Variants in SRGAP3 observed in about 807,000 individuals in gnomAD.
SRGAP3 encodes SLIT-ROBO Rho GTPase activating protein 3.
Under a neutral mutation model 121.1 loss-of-function variants are expected in SRGAP3, and 39 were observed. The ratio of observed to expected loss-of-function variants is 0.32; its 90% CI spans 0.25 to 0.42. SRGAP3 has a LOEUF of 0.42. Ranked by LOEUF, SRGAP3 falls within the 10% of genes least tolerant of loss-of-function variation. The probability of loss-of-function intolerance (pLI) is 1.00; values close to 1 mark genes in which losing one functional copy is unlikely to be tolerated. For synonymous variants in SRGAP3, 601 were observed against 570.0 expected (o/e 1.05, Z -0.77); for missense variants, 1,213 against 1,470.6 (o/e 0.82, Z 2.86).
intron 1 of SRGAP3, among the ~76,000 whole-genome samples, chr3:9,145,274 G>T (rs1986167): frequency 0.096 from 14,663 of 152,010 alleles, 2,421 homozygotes; most frequent in African/African-American, 0.33. Flanking sequence ...TTTTGTAGTT[G>T]TGGTAGAGAC....
chr3:8,988,586 G>A (rs753368338), intron 21 of SRGAP3, among the ~76,000 whole-genome samples: 3 of 151,654 alleles, frequency 2.0e-5, no homozygotes, highest in African/African-American at 7.3e-5. Context: ...CGTGCAAAAC[G>A]CTCCATGAAT....
At chr3:9,316,860 C>T (rs867078785) in intron 3 of SRGAP3, among the ~76,000 whole-genome samples, 12 of 152,046 alleles carry the variant, frequency 7.9e-5, no homozygotes, top group African/African-American at 2.9e-4. Flanking sequence ...CATCTGAAGG[C>T]GGGAGAGGAG....
chr3:9,067,706 C>G (rs2125222059), intron 4 of SRGAP3, among the ~76,000 whole-genome samples: 1 of 152,296 alleles, frequency 6.6e-6, no homozygotes, highest in Middle Eastern at 3.4e-3. Flanking sequence ...GGCTTAATGC[C>G]TAGGTGATGG....
chr3:9,128,903 G>T (rs544782431), intron 1 of SRGAP3, among the ~76,000 whole-genome samples: 5 of 152,308 alleles, frequency 3.3e-5, no homozygotes, highest in Middle Eastern at 3.4e-3. Flanking sequence ...CGTTTGACGG[G>T]TATTGATGGA....
At chr3:9,241,581 C>G (rs1321792019) in intron 1 of SRGAP3, among the ~76,000 whole-genome samples, 1 of 152,138 alleles carries the variant, frequency 6.6e-6, no homozygotes, top group Non-Finnish European at 1.5e-5. Context: ...ATTTCCTCTC[C>G]CAGTGAAACC....
chr3:9,191,956 G>A (rs139798712), intron 1 of SRGAP3, among the ~76,000 whole-genome samples: 233 of 152,236 alleles, frequency 1.5e-3, no homozygotes, highest in African/African-American at 5.3e-3. Flanking sequence ...CACCATGATC[G>A]TAAGTTTCCT....
intron 3 of SRGAP3, among the ~76,000 whole-genome samples, chr3:9,314,346 G>C (rs1475199080): frequency 1.3e-5 from 2 of 151,260 alleles, no homozygotes; most frequent in Non-Finnish European, 3.0e-5. Flanking sequence ...ACTTGAGCCT[G>C]GGAGTTCGAG....
At chr3:9,019,030 G>T (rs1379455070) in intron 14 of SRGAP3, among the ~76,000 whole-genome samples, 1 of 152,150 alleles carries the variant, frequency 6.6e-6, no homozygotes, top group Non-Finnish European at 1.5e-5. Context: ...AGTTCACAGA[G>T]ATCTTCCTCT....
intron 5 of SRGAP3, among the ~76,000 whole-genome samples, chr3:9,061,181 G>C (rs1946153199): frequency 6.6e-6 from 1 of 152,204 alleles, no homozygotes. Flanking sequence ...GCAGTAAGCA[G>C]AGATTGCACC....
chr3:9,325,059 T>C (rs1370099765), intron 3 of SRGAP3, among the ~76,000 whole-genome samples: 2 of 151,820 alleles, frequency 1.3e-5, no homozygotes, highest in Non-Finnish European at 2.9e-5. Flanking sequence ...TCATTTTGGG[T>C]TTCCAGTCCC....
chr3:9,362,958 TTCCAGC>T (rs2030988977), exon 1 of SRGAP3: 1 of 152,258 alleles, frequency 6.6e-6, no homozygotes, highest in Non-Finnish European at 1.5e-5. Flanking sequence ...AGCACACAGC[TTCCAGC>T]GCATGCTCCT....
intron 1 of SRGAP3, among the ~76,000 whole-genome samples, chr3:9,360,751 A>G (rs1321604102): frequency 2.0e-5 from 3 of 152,192 alleles, no homozygotes; most frequent in Non-Finnish European, 2.9e-5. Context: ...AACAGTATGC[A>G]GGGAATCACC....
intron 1 of SRGAP3, among the ~76,000 whole-genome samples, chr3:9,150,350 G>C (rs977285838): frequency 6.6e-6 from 1 of 152,026 alleles, no homozygotes; most frequent in African/African-American, 2.4e-5. Context: ...GAAGGTGGGA[G>C]AGGAAAAGGG....
intron 18 of SRGAP3, among the ~76,000 whole-genome samples, chr3:8,995,434 C>T (rs778531260): frequency 5.3e-5 from 8 of 152,134 alleles, no homozygotes; most frequent in Non-Finnish European, 7.3e-5. Context: ...CATGATCATG[C>T]CACTGTACTC....
chr3:9,310,056 C>A (rs1231192533), intron 3 of SRGAP3, among the ~76,000 whole-genome samples: 4 of 152,170 alleles, frequency 2.6e-5, no homozygotes, highest in African/African-American at 4.8e-5. Flanking sequence ...CTCACCATAG[C>A]ATGTTTGATC....
intron 3 of SRGAP3, among the ~76,000 whole-genome samples, chr3:9,275,127 T>C (rs1954547777): frequency 6.6e-6 from 1 of 152,164 alleles, no homozygotes; most frequent in Non-Finnish European, 1.5e-5. Flanking sequence ...AATGTCTATT[T>C]TACTGAAAAA....
rs572716116 is a variant in SRGAP3 at position 9,128,282 on chromosome 3, G to T, written c.68-3365C>A. On this transcript the variant is annotated intron_variant, in intron 1 of 21. Coordinates refer to ENST00000383836, the MANE Select transcript of SRGAP3 (RefSeq NM_014850.4). ...AAATAATGTTATTTTGATAAATTGT[G>T]TATTACTGATCACTGCAATGATACA... Among the ~76,000 whole-genome samples, 84 of 152,284 alleles carry T rather than the reference G, an allele frequency of 5.5e-4. 1 individual carries two copies. Among genetic ancestry groups the T allele is most frequent in the Admixed American group, 1.3e-3 (20 of 15,298 alleles).
chr3:9,128,846 G>C (rs1949336536), intron 1 of SRGAP3, among the ~76,000 whole-genome samples: 1 of 152,158 alleles, frequency 6.6e-6, no homozygotes, highest in Non-Finnish European at 1.5e-5. Flanking sequence ...GAACGAATGA[G>C]GTTGTGCAAA....
intron 12 of SRGAP3, among the ~76,000 whole-genome samples, chr3:9,027,217 T>C (rs1447545200): frequency 6.6e-6 from 1 of 152,208 alleles, no homozygotes; most frequent in Non-Finnish European, 1.5e-5. Flanking sequence ...TTTAAAGAAA[T>C]GCTCTTCTTC....
Sources: allele counts gnomAD v4.1 joint callset (sites outside exome capture counted in the v4.1 genomes callset), GRCh38; gene constraint gnomAD v4.1.1; transcripts MANE v1.5; gene names NCBI Gene and HGNC (gene_info 2026-07-23, HGNC 2026-07-21).